MTUS2: variants seen among roughly 807,000 people sequenced by gnomAD.
MTUS2 encodes microtubule associated scaffold protein 2, also known as microtubule-associated tumor suppressor candidate 2.
In MTUS2, 40 loss-of-function variants were observed where a neutral mutation model predicts 114.1. The ratio of observed to expected loss-of-function variants is 0.35; its 90% confidence interval spans 0.27 to 0.46. The LOEUF (loss-of-function observed/expected upper bound fraction) is 0.46, where lower values mean the gene tolerates loss of function less well. Ranked by LOEUF, MTUS2 falls within the 20% of genes least tolerant of loss-of-function variation. The pLI, the probability that MTUS2 is intolerant of heterozygous loss-of-function variation, is 1.00. For missense variants in MTUS2, 1,679 were observed against 1,705.4 expected (o/e 0.98, Z 0.27); for synonymous variants, 688 against 672.0 (o/e 1.02, Z -0.37).
At chr13:29,059,228 A>ATTTTTTTTTTTTTTTTTTTTTTTTTT (rs35369352) in intron 4 of MTUS2, among the ~76,000 whole-genome samples, 10 of 97,140 alleles carry the variant, frequency 1.0e-4, no homozygotes, top group Non-Finnish European at 1.7e-4. Flanking sequence ...TATTCTTTGG[A>ATTTTTTTTTTTTTTTTTTTTTTTTTT]TTTTTTTTTT....
chr13:29,037,042 T>C (rs3011022), intron 4 of MTUS2, among the ~76,000 whole-genome samples: 71,557 of 152,014 alleles, frequency 0.47, 17,302 homozygotes, highest in South Asian at 0.72. Flanking sequence ...GTGAATTTGA[T>C]CCTGTCATTA....
At chr13:28,831,009 G>A (rs1874634369) in intron 1 of MTUS2, among the ~76,000 whole-genome samples, 2 of 152,074 alleles carry the variant, frequency 1.3e-5, no homozygotes, top group Non-Finnish European at 2.9e-5. Context: ...GTCCCTACAA[G>A]AAATATTAAA....
chr13:29,060,176 T>C (rs1013114049), intron 4 of MTUS2, among the ~76,000 whole-genome samples: 4 of 152,216 alleles, frequency 2.6e-5, no homozygotes, highest in Non-Finnish European at 4.4e-5. Flanking sequence ...GTGGCCTCTA[T>C]TGGGGCTACG....
At chr13:28,919,003 G>T (rs771399650) in intron 2 of MTUS2, among the ~76,000 whole-genome samples, 13 of 151,888 alleles carry the variant, frequency 8.6e-5, no homozygotes, top group Non-Finnish European at 1.8e-4. Flanking sequence ...TAAACTTTTT[G>T]TTGTTTCTCT....
intron 2 of MTUS2, among the ~76,000 whole-genome samples, chr13:28,968,572 A>G (rs1883707248): frequency 6.6e-6 from 1 of 152,204 alleles, no homozygotes; most frequent in Non-Finnish European, 1.5e-5. Flanking sequence ...TAGAACTTGG[A>G]CTGGATGAGA....
chr13:28,822,781 C>T (rs1430093035), intron 1 of MTUS2, among the ~76,000 whole-genome samples: 2 of 152,152 alleles, frequency 1.3e-5, no homozygotes, highest in Non-Finnish European at 2.9e-5. Flanking sequence ...TGAATCTATC[C>T]CTGTCTTCAA....
chr13:29,488,204 C>T (rs1408542724), intron 11 of MTUS2, 199 bp downstream of exon 11: 34 of 581,432 alleles, frequency 5.8e-5, no homozygotes, highest in Non-Finnish European at 9.8e-5. Flanking sequence ...TTCTTTCCTC[C>T]AATGCAGTTA....
intron 5 of MTUS2, among the ~76,000 whole-genome samples, chr13:29,193,144 T>C (rs1480947229): frequency 3.3e-5 from 5 of 152,186 alleles, no homozygotes; most frequent in African/African-American, 1.2e-4. Context: ...CTTGATGTTC[T>C]TTCTGTGGTC....
At chr13:29,492,523 T>C in intron 11 of MTUS2, 123 bp from the exon 12 acceptor site, 1 of 682,546 alleles carries the variant, frequency 1.5e-6, no homozygotes, top group South Asian at 1.9e-5. Context: ...CCCTTAGGCT[T>C]GAATCTGCTA....
In MTUS2 at chr13:29,138,828, C is replaced by A. The variant is rs975944754; in HGVS notation, c.2644+37858C>A. On this transcript the variant is annotated intron_variant, in intron 5 of 15. Coordinates refer to ENST00000612955, the MANE Select transcript of MTUS2 (RefSeq NM_001033602.4). ...AGGCAGTTTTGCTGAAAATGAGCCA[C>A]CACCATATGAATAATATTTTAGAAT... 1.1e-4 allele frequency among the ~76,000 whole-genome samples: 16 copies of A among 151,968 alleles called. 1 individual carries two copies. In the South Asian group the frequency reaches 1.9e-3, roughly 18 times the overall value.
chr13:29,310,281 G>A (rs1593288586), intron 6 of MTUS2, among the ~76,000 whole-genome samples: 1 of 152,184 alleles, frequency 6.6e-6, no homozygotes, highest in Non-Finnish European at 1.5e-5. Flanking sequence ...CACAGCTAAG[G>A]ACACAGTAAA....
At chr13:29,443,569 C>G (rs1878057807) in intron 9 of MTUS2, among the ~76,000 whole-genome samples, 1 of 152,208 alleles carries the variant, frequency 6.6e-6, no homozygotes, top group African/African-American at 2.4e-5. Context: ...TTCCTTCAGC[C>G]CAGCTTTCAT....
intron 2 of MTUS2, among the ~76,000 whole-genome samples, chr13:28,951,664 T>G (rs1409781789): frequency 1.3e-5 from 2 of 152,026 alleles, no homozygotes; most frequent in Non-Finnish European, 2.9e-5. Context: ...CTGGGTGTGG[T>G]GGTGCACGCC....
chr13:29,327,614 T>A lies in MTUS2; in HGVS notation c.2905+2903T>A, dbSNP rs149301173. Among the ~76,000 whole-genome samples the A allele has an allele frequency of 4.6e-3, 703 of 152,286 alleles. 6 individuals carry two copies. The highest frequency in any genetic ancestry group is 0.016 in the African/African-American group (657 of 41,526). ...TCTATTATATAGATATCACTATTTA[T>A]TTACTTGTTGATGGAAATTGGGGCT... is the stretch of plus-strand genomic sequence containing the variant. On this transcript the variant is annotated intron_variant, in intron 7 of 15. Transcript: ENST00000612955.
chr13:29,088,693 C>T (rs1420412746), intron 4 of MTUS2, among the ~76,000 whole-genome samples: 1 of 151,906 alleles, frequency 6.6e-6, no homozygotes, highest in Non-Finnish European at 1.5e-5. Flanking sequence ...TGTATTGAAC[C>T]CTTTATGATT....
chr13:29,417,871 T>G (rs1234684327), intron 8 of MTUS2, among the ~76,000 whole-genome samples: 2 of 152,358 alleles, frequency 1.3e-5, no homozygotes, highest in East Asian at 3.9e-4. Context: ...TGTATCTGCT[T>G]ATTCAGTTTT....
chr13:29,110,603 C>G (rs1890844865), intron 5 of MTUS2, among the ~76,000 whole-genome samples: 1 of 152,118 alleles, frequency 6.6e-6, no homozygotes, highest in Admixed American at 6.5e-5. Flanking sequence ...CAATTATTCC[C>G]ACACATTCAG....
intron 4 of MTUS2, among the ~76,000 whole-genome samples, chr13:29,087,153 T>A (rs937404259): frequency 2.6e-5 from 4 of 152,152 alleles, no homozygotes; most frequent in African/African-American, 9.7e-5. Flanking sequence ...ATAGGAATGG[T>A]GAGAGTGGAC....
intron 2 of MTUS2, among the ~76,000 whole-genome samples, chr13:28,930,165 A>G (rs1317806695): frequency 6.6e-6 from 1 of 152,210 alleles, no homozygotes; most frequent in Non-Finnish European, 1.5e-5. Context: ...CTTTAGCCTC[A>G]CATAGTAAAA....
Sources: gnomAD v4.1 joint callset for allele counts (sites outside exome capture counted in the v4.1 genomes callset) on GRCh38, gnomAD v4.1.1 for gene constraint, MANE v1.5 for transcripts, NCBI Gene and HGNC (gene_info 2026-07-23, HGNC 2026-07-21) for gene names.